Variants in CFAP44 observed in about 807,000 individuals in gnomAD.
CFAP44 encodes cilia- and flagella-associated protein 44.
In CFAP44, 134 loss-of-function variants were observed where a neutral mutation model predicts 216.2. That is an observed-to-expected ratio of 0.62 (90% confidence interval 0.54 to 0.72). CFAP44 has a LOEUF of 0.72. Ranked by LOEUF, CFAP44 falls within the 30% of genes least tolerant of loss-of-function variation. The pLI is 0.00. For missense variants in CFAP44, 2,035 were observed against 2,182.1 expected (o/e 0.93, Z 1.34); for synonymous variants, 700 against 727.6 (o/e 0.96, Z 0.61).
At chr3:113,422,250 T>G (rs1934837123) in intron 4 of CFAP44, among the ~76,000 whole-genome samples, 1 of 152,200 alleles carries the variant, frequency 6.6e-6, no homozygotes, top group African/African-American at 2.4e-5. Flanking sequence ...GGAATTTGTA[T>G]TTCTTGAGCC....
In CFAP44 at chr3:113,291,701, C is replaced by T. The variant is rs1307810792; in HGVS notation, c.5421G>A (p.Glu1807=). ...GPREADVVAR[E]EVTELIQLQA... ...GGAGTTGGATCAATTCAGTGACCTC[C>T]TCTCTTGCCACAACATCTGCTTCCC... Residue 1807 remains glutamate, a synonymous_variant, in exon 35 of 35, where the codon GAG becomes GAA. Coordinates refer to ENST00000393845, the MANE Select transcript of CFAP44 (RefSeq NM_001164496.2). 1.3e-6 allele frequency: 2 copies of T among 1,536,828 alleles called. No homozygotes were observed. The highest frequency in any genetic ancestry group is 2.0e-5 in the Admixed American group (1 of 50,990).
intron 6 of CFAP44, among the ~76,000 whole-genome samples, chr3:113,413,860 C>T (rs1025663410): frequency 5.9e-5 from 9 of 152,112 alleles, no homozygotes; most frequent in East Asian, 1.9e-4. Context: ...TTTGATTCCA[C>T]GTGAAACTTA....
chr3:113,330,811 A>G, intron 25 of CFAP44, 143 bp from the exon 26 acceptor site: 2 of 1,204,076 alleles, frequency 1.7e-6, no homozygotes, highest in Non-Finnish European at 2.2e-6. Context: ...TTTACCACCA[A>G]GTTTCCCTTT....
At chr3:113,331,199 C>T (rs540215460) in intron 25 of CFAP44, among the ~76,000 whole-genome samples, 8 of 152,158 alleles carry the variant, frequency 5.3e-5, no homozygotes, top group Non-Finnish European at 1.0e-4. Context: ...ATTTCAGTAG[C>T]ATGTCACACC....
At chr3:113,433,383 C>T (rs1469921021) in intron 2 of CFAP44, among the ~76,000 whole-genome samples, 182 bp downstream of exon 2, 1 of 123,236 alleles carries the variant, frequency 8.1e-6, no homozygotes, top group South Asian at 2.6e-4. Context: ...AAGCCAAGAT[C>T]GTACCATTGC....
Position 113,367,250 on chromosome 3 carries a change from C to G in CFAP44, c.2445-941G>C, listed in dbSNP as rs372827082. On this transcript the variant is annotated intron_variant, in intron 18 of 34. Coordinates refer to ENST00000393845, the MANE Select transcript of CFAP44 (RefSeq NM_001164496.2). ...CGTTCAAGCTCTGAAAACGGACAGA[C>G]TGCCTCCTCAAGTGGGTCCCTGACC... 2.6e-5 allele frequency among the ~76,000 whole-genome samples: 4 copies of G among 152,364 alleles called. 1 individual carries two copies. The highest frequency in any genetic ancestry group is 1.9e-4 in the East Asian group (1 of 5,186).
chr3:113,431,536 G>A (rs1045105587), intron 2 of CFAP44, among the ~76,000 whole-genome samples: 1 of 152,040 alleles, frequency 6.6e-6, no homozygotes, highest in African/African-American at 2.4e-5. Context: ...AACTAGGGGG[G>A]AACAAACTAA....
intron 1 of CFAP44, 23 bp downstream of exon 1, chr3:113,441,430 C>CGGCTGCTGAGGTCCAAACTCACCGAAG (rs1935361337): frequency 1.0e-6 from 1 of 985,796 alleles, no homozygotes; most frequent in African/African-American, 1.7e-5. Flanking sequence ...TGGAAACTGC[C>CGGCTGCTGAGGTCCAAACTCACCGAAG]GGCTGCTGAG....
At chr3:113,296,311 C>T (rs775333437) in intron 33 of CFAP44, among the ~76,000 whole-genome samples, 9 of 151,988 alleles carry the variant, frequency 5.9e-5, no homozygotes, top group Non-Finnish European at 5.9e-5. Context: ...TTTCTTTGCC[C>T]GACTGGTGTG....
chr3:113,430,702 G>A (rs1935085070), intron 2 of CFAP44, among the ~76,000 whole-genome samples: 1 of 152,034 alleles, frequency 6.6e-6, no homozygotes, highest in Admixed American at 6.6e-5. Flanking sequence ...TGAATTCATG[G>A]TTAAAATTTT....
intron 15 of CFAP44, among the ~76,000 whole-genome samples, chr3:113,392,418 C>CG (rs1489084693): frequency 8.5e-5 from 8 of 94,566 alleles, no homozygotes; most frequent in Non-Finnish European, 1.2e-4. Context: ...GTGGGTGTGG[C>CG]GGGGGGTGGG....
intron 18 of CFAP44, among the ~76,000 whole-genome samples, chr3:113,372,979 G>T (rs1009433503): frequency 3.9e-5 from 6 of 152,126 alleles, no homozygotes; most frequent in African/African-American, 1.4e-4. Flanking sequence ...TAATACAAAA[G>T]AATAGAGAAA....
intron 5 of CFAP44, among the ~76,000 whole-genome samples, chr3:113,419,146 G>T (rs1934735126): frequency 6.6e-6 from 1 of 152,094 alleles, no homozygotes; most frequent in African/African-American, 2.4e-5. Context: ...GATGTTTCTT[G>T]GTCCCCTGCA....
At chr3:113,333,962 T>A (rs116864580) in intron 24 of CFAP44, among the ~76,000 whole-genome samples, 4,374 of 152,068 alleles carry the variant, frequency 0.029, 107 homozygotes, top group East Asian at 0.1. Flanking sequence ...AAACTTTTTT[T>A]TTTTTTTTTG....
At chr3:113,298,707 C>T (rs545444283) in intron 32 of CFAP44, among the ~76,000 whole-genome samples, 3 of 152,298 alleles carry the variant, frequency 2.0e-5, no homozygotes, top group African/African-American at 7.2e-5. Flanking sequence ...ACCTGAAAGA[C>T]ATTATCCTAA....
intron 28 of CFAP44, among the ~76,000 whole-genome samples, chr3:113,318,599 A>G (rs1950110920): frequency 6.6e-6 from 1 of 152,188 alleles, no homozygotes; most frequent in Non-Finnish European, 1.5e-5. Context: ...ATGATACAAG[A>G]TGACCACCCC....
Position 113,344,524 on chromosome 3 carries a change from C to T in CFAP44, c.3254G>A (p.Arg1085Lys). 1 of 1,536,646 alleles carries T rather than the reference C, an allele frequency of 6.5e-7. No homozygotes were observed. The highest frequency in any genetic ancestry group is 2.4e-5 in the East Asian group (1 of 40,896). ...TTCTTGTCATAGGCTACCTGCATCT[C>T]TCTGGCTGTCCTTTCTTCCAGGTCC... ...KEGPGRKDSQ[R>K]DAGGSVTIQE... The change falls in exon 23 of 35, where the codon AGA becomes AAA. Residue 1085 changes from arginine (R) to lysine (K), a missense_variant. Physicochemically the swap from Arg to Lys is conservative, Grantham distance 26. Around this residue, in one of 3 missense-constraint regions of CFAP44, gnomAD observed 1,883 missense variants for 2,023.7 expected, o/e 0.93. Coordinates refer to ENST00000393845, the MANE Select transcript of CFAP44 (RefSeq NM_001164496.2).
intron 5 of CFAP44, 62 bp from the exon 6 acceptor site, chr3:113,416,689 T>C (rs2107386946): frequency 8.3e-7 from 1 of 1,207,970 alleles, no homozygotes; most frequent in Admixed American, 2.2e-5. Flanking sequence ...ATAGTCTGAT[T>C]AATGCAGTAT....
chr3:113,313,126 A>G (rs1950055494), intron 28 of CFAP44, among the ~76,000 whole-genome samples: 1 of 152,128 alleles, frequency 6.6e-6, no homozygotes, highest in Non-Finnish European at 1.5e-5. Flanking sequence ...CCGTGAAAGC[A>G]GCTGGGAGGG....
Sources: gnomAD v4.1 joint callset for allele counts (sites outside exome capture counted in the v4.1 genomes callset) on GRCh38, gnomAD v4.1.1 for gene constraint, gnomAD v4.1.1 regional missense constraint, MANE v1.5 for transcripts, NCBI Gene and HGNC (gene_info 2026-07-23, HGNC 2026-07-21) for gene names.